Variants in APP observed in about 807,000 individuals in gnomAD.
APP encodes the protein amyloid-beta precursor protein.
APP carries 31 observed loss-of-function variants against 101.4 expected under a neutral mutation model. The ratio of observed to expected loss-of-function variants is 0.31; its 90% CI spans 0.23 to 0.41. APP has a LOEUF of 0.41. APP is among the 10% of genes least tolerant of loss of function. The pLI, the probability that APP is intolerant of heterozygous loss-of-function variation, is 1.00. For synonymous variants in APP, 366 were observed against 364.4 expected, an observed-to-expected ratio of 1.00 and a Z score of -0.05; for missense variants, 839 against 1,003.7, an observed-to-expected ratio of 0.84 and a Z score of 2.22.
chr21:26,161,177 T>C (rs1241551784), intron 1 of APP, among the ~76,000 whole-genome samples: 1 of 152,222 alleles, frequency 6.6e-6, no homozygotes, highest in Non-Finnish European at 1.5e-5. Flanking sequence ...TAGAAAAGTG[T>C]GTGATCACAA....
At chr21:25,966,057 T>A (rs975103137) in intron 11 of APP, among the ~76,000 whole-genome samples, 1 of 152,188 alleles carries the variant, frequency 6.6e-6, no homozygotes, top group Non-Finnish European at 1.5e-5. Flanking sequence ...AGCTAATGCC[T>A]TCCCAACATA....
chr21:26,019,932 A>G (rs2044265386), intron 6 of APP, among the ~76,000 whole-genome samples: 1 of 152,226 alleles, frequency 6.6e-6, no homozygotes, highest in Non-Finnish European at 1.5e-5. Flanking sequence ...ATGGTGGTTT[A>G]AACAAAATGC....
chr21:25,969,738 C>A (rs1424933731), intron 11 of APP, among the ~76,000 whole-genome samples: 1 of 151,312 alleles, frequency 6.6e-6, no homozygotes, highest in Non-Finnish European at 1.5e-5. Flanking sequence ...TCTCATGAGG[C>A]TGAGGCAAAA....
At chr21:25,883,554 ACAG>A (rs1339630232) in intron 17 of APP, among the ~76,000 whole-genome samples, 3 of 151,972 alleles carry the variant, frequency 2.0e-5, no homozygotes, top group Non-Finnish European at 2.9e-5. Flanking sequence ...TTAGCCAGGC[ACAG>A]TAGCACGTGC....
intron 1 of APP, among the ~76,000 whole-genome samples, chr21:26,166,892 GAGAGAGAGAGAGAA>G (rs11272683): frequency 0.43 from 49,598 of 116,700 alleles, 8,450 homozygotes; most frequent in African/African-American, 0.55. Context: ...GAGAGAGAGA[GAGAGAGAGAGAGAA>G]AGAGAGAGAA....
At chr21:26,068,821 C>T (rs949107378) in intron 3 of APP, among the ~76,000 whole-genome samples, 10 of 152,212 alleles carry the variant, frequency 6.6e-5, no homozygotes, top group Admixed American at 2.0e-4. Flanking sequence ...TCAGACATAT[C>T]ATCCATGCCT....
intron 1 of APP, chr21:26,158,073 T>C (rs892507077): frequency 6.6e-6 from 1 of 152,242 alleles, no homozygotes; most frequent in Non-Finnish European, 1.5e-5. Context: ...ACAGAAATCA[T>C]TGCTTTGTTC....
chr21:26,065,389 T>C (rs1440052391), intron 3 of APP, among the ~76,000 whole-genome samples: 2 of 152,226 alleles, frequency 1.3e-5, no homozygotes, highest in Non-Finnish European at 2.9e-5. Flanking sequence ...TCATCTGTGG[T>C]ATCTATTAAT....
chr21:25,950,967 T>TTG (rs2041050370), intron 13 of APP, among the ~76,000 whole-genome samples: 1 of 152,158 alleles, frequency 6.6e-6, no homozygotes, highest in African/African-American at 2.4e-5. Flanking sequence ...ACATGAGTGT[T>TTG]ATACACATTG....
chr21:26,027,956 G>A (rs2044653056), intron 5 of APP, among the ~76,000 whole-genome samples: 1 of 151,884 alleles, frequency 6.6e-6, no homozygotes, highest in Non-Finnish European at 1.5e-5. Context: ...GCACGTTGCG[G>A]GGCCGAGGCA....
At chr21:26,058,247 C>T (rs1463243647) in intron 3 of APP, among the ~76,000 whole-genome samples, 3 of 152,140 alleles carry the variant, frequency 2.0e-5, no homozygotes, top group Admixed American at 1.3e-4. Flanking sequence ...GTTGTTTTTT[C>T]CTCTAATAAA....
chr21:26,117,726 A>C (rs1307111181), intron 1 of APP, among the ~76,000 whole-genome samples: 3 of 152,222 alleles, frequency 2.0e-5, no homozygotes, highest in Non-Finnish European at 4.4e-5. Flanking sequence ...AAGCTATTAA[A>C]AAAGAAAAAT....
At chr21:25,927,050 A>G (rs1199279279) in intron 13 of APP, among the ~76,000 whole-genome samples, 1 of 151,066 alleles carries the variant, frequency 6.6e-6, no homozygotes, top group Non-Finnish European at 1.5e-5. Context: ...CCCATCTATC[A>G]TCACAAGCAC....
intron 13 of APP, among the ~76,000 whole-genome samples, chr21:25,925,802 GGT>G (rs2039870047): frequency 6.6e-6 from 1 of 152,142 alleles, no homozygotes; most frequent in South Asian, 2.1e-4. Context: ...CAGGCACGGT[GGT>G]GTGTGCCTGT....
At chr21:26,000,210 A>ATT (rs776373555) in intron 6 of APP, 28 bp from the exon 7 acceptor site, 1 of 1,613,626 alleles carries the variant, frequency 6.2e-7, no homozygotes, top group African/African-American at 1.3e-5. Context: ...GGGGAACCAC[A>ATT]TTTAGCATGA....
At position 26,168,327 on chromosome 21, in the gene APP, T is replaced by C. The variant is rs370641844; in HGVS notation, c.57+2237A>G. Among the ~76,000 whole-genome samples, 25 of 152,294 alleles carry C rather than the reference T, an allele frequency of 1.6e-4. No individual in the cohort carries two copies. In the East Asian group the frequency reaches 3.7e-3, roughly 22 times the overall value. On this transcript the variant is annotated intron_variant, in intron 1 of 17. Coordinates refer to ENST00000346798, the MANE Select transcript of APP (RefSeq NM_000484.4). ...AAAAGACAGTCAACTCGTAATTACA[T>C]CTTTTCAGTGGACACAGAGAGAACC...
chr21:25,989,813 T>C (rs932756406), intron 8 of APP, among the ~76,000 whole-genome samples: 2 of 152,188 alleles, frequency 1.3e-5, no homozygotes, highest in Non-Finnish European at 2.9e-5. Flanking sequence ...GGATCATTTA[T>C]ATATGAGTGA....
Position 26,090,015 on chromosome 21 carries a change from G to C in APP, c.283C>G (p.Gln95Glu), listed in dbSNP as rs950592627. Reference protein sequence around the residue: ...VVEANQPVTIQNWCKRGRKQC... With the variant: ...VVEANQPVTIENWCKRGRKQC... The stretch of plus-strand genomic sequence containing the variant: ...TTGCGGCCCCGCTTGCACCAGTTCT[G>C]GATGGTCACTGGTTGGTTGGCTTCT... The change falls in exon 3 of 18, where the codon CAG becomes GAG. Residue 95 changes from glutamine (Q) to glutamate (E), a missense_variant. Physicochemically the swap from Gln to Glu is conservative, Grantham distance 29. Coordinates refer to ENST00000346798, the MANE Select transcript of APP (RefSeq NM_000484.4). The C allele has an allele frequency of 1.9e-6, 3 of 1,614,082 alleles. No homozygotes were observed. The highest frequency in any genetic ancestry group is 2.7e-5 in the African/African-American group (2 of 74,926).
chr21:26,148,143 G>T (rs1371879332), intron 1 of APP, among the ~76,000 whole-genome samples: 1 of 152,218 alleles, frequency 6.6e-6, no homozygotes, highest in Non-Finnish European at 1.5e-5. Context: ...TGCAAGTGGA[G>T]AAGCCACAAA....
Sources: gnomAD v4.1 joint callset for allele counts (sites outside exome capture counted in the v4.1 genomes callset) on GRCh38, gnomAD v4.1.1 for gene constraint, MANE v1.5 for transcripts, NCBI Gene and HGNC (gene_info 2026-07-23, HGNC 2026-07-21) for gene names.